The following DEPDC1B variants were observed in gnomAD, a reference collection of about 807,000 sequenced individuals.
DEPDC1B encodes the protein DEP domain-containing protein 1B.
DEPDC1B carries 51 observed loss-of-function variants against 66.5 expected under a neutral mutation model. The ratio of observed to expected loss-of-function variants is 0.77; its 90% CI spans 0.61 to 0.97. The LOEUF is 0.97. Ranked by LOEUF, DEPDC1B falls within the 50% of genes least tolerant of loss-of-function variation. The pLI, the probability that DEPDC1B is intolerant of heterozygous loss-of-function variation, is 0.00. For missense variants in DEPDC1B, 552 were observed against 637.1 expected (o/e 0.87, Z 1.44); for synonymous variants, 226 against 223.6 (o/e 1.01, Z -0.10).
intron 7 of DEPDC1B, among the ~76,000 whole-genome samples, chr5:60,626,609 C>A (rs909669288): frequency 2.8e-4 from 42 of 152,224 alleles, no homozygotes; most frequent in African/African-American, 9.4e-4. Context: ...ACATTTTACA[C>A]TGCAATAATA....
chr5:60,692,781 TTATAA>T (rs1760080018), intron 1 of DEPDC1B, among the ~76,000 whole-genome samples: 1 of 152,052 alleles, frequency 6.6e-6, no homozygotes, highest in African/African-American at 2.4e-5. Flanking sequence ...ACATAATAAG[TTATAA>T]TATATTCACC....
chr5:60,617,076 C>A (rs1481804100), intron 7 of DEPDC1B, among the ~76,000 whole-genome samples: 1 of 152,140 alleles, frequency 6.6e-6, no homozygotes, highest in Non-Finnish European at 1.5e-5. Context: ...CCTTTACAGA[C>A]AAGCAAATGC....
intron 7 of DEPDC1B, among the ~76,000 whole-genome samples, chr5:60,615,127 A>T (rs1752513091): frequency 1.3e-5 from 2 of 152,220 alleles, no homozygotes; most frequent in Admixed American, 1.3e-4. Context: ...AAAATGAATC[A>T]AAGGCATCCC....
intron 2 of DEPDC1B, among the ~76,000 whole-genome samples, chr5:60,673,245 T>C (rs985219289): frequency 2.6e-5 from 4 of 152,170 alleles, no homozygotes; most frequent in Admixed American, 2.6e-4. Flanking sequence ...AGCCCTCCTA[T>C]AACAATGAAT....
At chr5:60,617,359 C>T (rs10939854) in intron 7 of DEPDC1B, among the ~76,000 whole-genome samples, 52,073 of 152,034 alleles carry the variant, frequency 0.34, 10,505 homozygotes, top group East Asian at 0.55. Context: ...GATAAAGAGT[C>T]AAGACTCATC....
intron 7 of DEPDC1B, among the ~76,000 whole-genome samples, chr5:60,630,104 T>G (rs537710272): frequency 1.4e-4 from 21 of 152,350 alleles, no homozygotes; most frequent in African/African-American, 5.0e-4. Flanking sequence ...TTAATTTATT[T>G]TGAGTTGATT....
chr5:60,693,708 A>T (rs1393211900), intron 1 of DEPDC1B, among the ~76,000 whole-genome samples: 2 of 152,152 alleles, frequency 1.3e-5, no homozygotes, highest in Non-Finnish European at 2.9e-5. Flanking sequence ...TCATTTCACT[A>T]TACCAAGTAC....
At chr5:60,646,631 T>C (rs985816192) in intron 3 of DEPDC1B, among the ~76,000 whole-genome samples, 2 of 152,224 alleles carry the variant, frequency 1.3e-5, no homozygotes, top group Non-Finnish European at 2.9e-5. Flanking sequence ...CTTCTTGTTA[T>C]TCCCTGAACG....
chr5:60,633,802 CATT>C (rs1472388187), intron 7 of DEPDC1B, among the ~76,000 whole-genome samples: 1 of 152,244 alleles, frequency 6.6e-6, no homozygotes, highest in Non-Finnish European at 1.5e-5. Context: ...ACTTTACAAA[CATT>C]ATGTGTAAAT....
intron 9 of DEPDC1B, among the ~76,000 whole-genome samples, chr5:60,601,945 A>G (rs369819566): frequency 6.6e-6 from 1 of 152,210 alleles, no homozygotes; most frequent in South Asian, 2.1e-4. Flanking sequence ...ATGTTGAAGC[A>G]CAGACATGTT....
intron 8 of DEPDC1B, 104 bp downstream of exon 8, chr5:60,605,586 A>T: frequency 7.7e-7 from 1 of 1,297,176 alleles, no homozygotes; most frequent in Non-Finnish European, 1.0e-6. Flanking sequence ...TGGCTCTTTT[A>T]AGCAAGTCTG....
At chr5:60,641,375 G>T in intron 6 of DEPDC1B, among the ~76,000 whole-genome samples, 2 of 142,778 alleles carry the variant, frequency 1.4e-5, no homozygotes. Flanking sequence ...TTGAGACGGA[G>T]TCTTGCTCTG....
At chr5:60,663,807 G>A (rs180990231) in intron 2 of DEPDC1B, among the ~76,000 whole-genome samples, 1 of 152,342 alleles carries the variant, frequency 6.6e-6, no homozygotes. Context: ...CTCACCACTT[G>A]TGGCTACAAG....
At chr5:60,657,703 T>C (rs1301838821) in intron 2 of DEPDC1B, among the ~76,000 whole-genome samples, 2 of 152,232 alleles carry the variant, frequency 1.3e-5, no homozygotes, top group African/African-American at 4.8e-5. Context: ...CCTGGTGCTT[T>C]TGCCTCACAA....
chr5:60,657,800 G>A (rs1753612194), intron 2 of DEPDC1B, among the ~76,000 whole-genome samples: 1 of 152,190 alleles, frequency 6.6e-6, no homozygotes, highest in Non-Finnish European at 1.5e-5. Flanking sequence ...GAATTTCCCA[G>A]ATGTTCTTTG....
intron 7 of DEPDC1B, among the ~76,000 whole-genome samples, chr5:60,610,462 T>A (rs1752393190): frequency 6.6e-6 from 1 of 152,190 alleles, no homozygotes; most frequent in Admixed American, 6.5e-5. Context: ...TTCTTTAAAA[T>A]CTGGTTAAGA....
intron 2 of DEPDC1B, among the ~76,000 whole-genome samples, chr5:60,666,763 AC>A (rs1753850634): frequency 6.6e-6 from 1 of 152,162 alleles, no homozygotes; most frequent in African/African-American, 2.4e-5. Flanking sequence ...CAGAGGTGGC[AC>A]CGACTACCCT....
chr5:60,668,796 T>C (rs1170378790), intron 2 of DEPDC1B, among the ~76,000 whole-genome samples: 1 of 152,196 alleles, frequency 6.6e-6, no homozygotes, highest in African/African-American at 2.4e-5. Flanking sequence ...ACATCAAATA[T>C]TTTCTGCTAC....
chr5:60,606,794 T>A (rs920588924), intron 7 of DEPDC1B, among the ~76,000 whole-genome samples: 1 of 149,888 alleles, frequency 6.7e-6, no homozygotes, highest in Non-Finnish European at 1.5e-5. Flanking sequence ...TTTTTTTTTT[T>A]AAAGGATATT....
Sources: allele counts gnomAD v4.1 joint callset (sites outside exome capture counted in the v4.1 genomes callset), GRCh38; gene constraint gnomAD v4.1.1; transcripts MANE v1.5; gene names NCBI Gene and HGNC (gene_info 2026-07-23, HGNC 2026-07-21).